The following RDX variants were observed in gnomAD, a reference collection of about 807,000 sequenced individuals.
RDX encodes radixin.
A neutral mutation model predicts 83.7 loss-of-function variants in RDX; 32 were observed. The observed-to-expected ratio is 0.38, with a 90% CI of 0.29 to 0.51. The LOEUF is 0.51. Ranked by LOEUF, RDX falls within the 20% of genes least tolerant of loss-of-function variation. RDX has a pLI of 0.87. For synonymous variants in RDX, 229 were observed against 222.7 expected, an observed-to-expected ratio of 1.03 and a Z score of -0.25; for missense variants, 600 against 689.9, an observed-to-expected ratio of 0.87 and a Z score of 1.46.
chr11:110,207,352 A>T, intron 14 of RDX, among the ~76,000 whole-genome samples: 1 of 152,178 alleles, frequency 6.6e-6, no homozygotes, highest in Non-Finnish European at 1.5e-5. Flanking sequence ...TCTGTGTTTT[A>T]ACAAGCCCTC....
At chr11:110,196,054 A>C (rs370273023) in intron 15 of RDX, 147 of 152,380 alleles carry the variant, frequency 9.6e-4, no homozygotes, top group Non-Finnish European at 1.2e-3. Context: ...TGGGTAATGG[A>C]ATACTGGTCC....
At chr11:110,237,763 GCAC>G (rs751173117) in intron 10 of RDX, 111 bp from the exon 11 acceptor site, 1 of 1,199,026 alleles carries the variant, frequency 8.3e-7, no homozygotes, top group Non-Finnish European at 1.2e-6. Flanking sequence ...CTAAAAGTTA[GCAC>G]ACATGTAAAT....
chr11:110,249,467 C>A (rs1480384463), intron 9 of RDX, among the ~76,000 whole-genome samples: 1 of 152,160 alleles, frequency 6.6e-6, no homozygotes, highest in Non-Finnish European at 1.5e-5. Flanking sequence ...TTGGGGCAAA[C>A]AGGTAGAGGT....
At chr11:110,280,621 G>A (rs1267425728) in intron 1 of RDX, among the ~76,000 whole-genome samples, 2 of 152,332 alleles carry the variant, frequency 1.3e-5, no homozygotes, top group South Asian at 2.1e-4. Flanking sequence ...CAATGTGTAT[G>A]AAACAGGCAA....
At chr11:110,277,529 A>G (rs769830390) in intron 2 of RDX, among the ~76,000 whole-genome samples, 9 of 152,174 alleles carry the variant, frequency 5.9e-5, no homozygotes, top group Non-Finnish European at 8.8e-5. Flanking sequence ...CATGTTGGCC[A>G]GGCTGGTCTC....
Position 110,251,808 on chromosome 11 carries a change from T to C in RDX, c.959+2138A>G, listed in dbSNP as rs146272146. Among the ~76,000 whole-genome samples the C allele has an allele frequency of 5.1e-3, 783 of 152,314 alleles. 7 individuals carry two copies. Among genetic ancestry groups the C allele is most frequent in the African/African-American group, 0.017 (727 of 41,566 alleles). ...CTCATAGTGTATAAGGTCATTTTCATTGCCAAAAAACCCCTAGGTTATAAA... is the reference window on the plus strand; with the variant it reads ...CTCATAGTGTATAAGGTCATTTTCACTGCCAAAAAACCCCTAGGTTATAAA... On this transcript the variant is annotated intron_variant, in intron 9 of 13. Coordinates refer to ENST00000645495, the MANE Select transcript of RDX (RefSeq NM_002906.4).
intron 10 of RDX, among the ~76,000 whole-genome samples, chr11:110,243,071 C>T (rs948909676): frequency 6.6e-6 from 1 of 152,140 alleles, no homozygotes; most frequent in African/African-American, 2.4e-5. Context: ...ATCCAAAAAT[C>T]TGAACTCCAA....
At chr11:110,269,976 A>G (rs1162699485) in intron 3 of RDX, among the ~76,000 whole-genome samples, 1 of 152,152 alleles carries the variant, frequency 6.6e-6, no homozygotes, top group Non-Finnish European at 1.5e-5. Context: ...TGGGAGGCAG[A>G]GGTTACAGTG....
intron 11 of RDX, 88 bp from the exon 12 acceptor site, chr11:110,236,279 CTGTTTA>C (rs1254984140): frequency 1.1e-6 from 1 of 951,866 alleles, no homozygotes; most frequent in Non-Finnish European, 1.6e-6. Flanking sequence ...CATGCTTAGG[CTGTTTA>C]TGTTTTTCTT....
At chr11:110,203,677 A>C (rs1863497573) in intron 14 of RDX, among the ~76,000 whole-genome samples, 2 of 152,174 alleles carry the variant, frequency 1.3e-5, no homozygotes, top group Middle Eastern at 3.4e-3. Context: ...ATTAAAAATA[A>C]ATTTTTTAAA....
At chr11:110,296,057 T>C (rs1333905091) in intron 1 of RDX, among the ~76,000 whole-genome samples, 1 of 152,220 alleles carries the variant, frequency 6.6e-6, no homozygotes, top group Non-Finnish European at 1.5e-5. Context: ...CAAACAACCC[T>C]TGGGACCATG....
chr11:110,212,834 T>C (rs868701791), intron 14 of RDX, among the ~76,000 whole-genome samples: 4 of 144,386 alleles, frequency 2.8e-5, no homozygotes, highest in Middle Eastern at 3.5e-3. Context: ...TGGGATGTAT[T>C]TCAAAATAAT....
rs1000851378 is a variant in RDX, at chr11:110,231,447, A to G, written c.*422T>C. 1.5e-4 allele frequency: 36 copies of G among 243,612 alleles called. No homozygotes were observed. The highest frequency in any genetic ancestry group is 7.7e-4 in the African/African-American group (34 of 44,258). 15.1% of individuals were successfully genotyped at this position (243,612 alleles called of 1,614,324 possible). A position where few individuals can be genotyped will look rare whatever the true frequency, so the allele number is the denominator to read the frequency against. On this transcript the variant is annotated 3_prime_UTR_variant, in exon 14 of 14. Coordinates refer to ENST00000645495, the MANE Select transcript of RDX (RefSeq NM_002906.4). The stretch of plus-strand genomic sequence containing the variant: ...AGATAAGAGAAGGGCACACTGAGAA[A>G]ATGTGAGTGAGAGAGAATGTGGAAA...
At chr11:110,184,136 G>A (rs1271230736) in intron 15 of RDX, among the ~76,000 whole-genome samples, 2 of 152,202 alleles carry the variant, frequency 1.3e-5, no homozygotes, top group African/African-American at 2.4e-5. Context: ...AAGGGCAGAG[G>A]GGATGATAGA....
intron 5 of RDX, 45 bp from the exon 6 acceptor site, chr11:110,258,234 T>C (rs1859630313): frequency 7.9e-7 from 1 of 1,270,918 alleles, no homozygotes; most frequent in South Asian, 1.3e-5. Context: ...ACTTTAAGAT[T>C]CAAAAGCATA....
chr11:110,263,039 C>A (rs548135804), intron 5 of RDX, among the ~76,000 whole-genome samples: 8 of 152,106 alleles, frequency 5.3e-5, no homozygotes, highest in Non-Finnish European at 1.0e-4. Context: ...CTTTGGGAGA[C>A]CGAGGTGGGA....
At chr11:110,209,566 C>G (rs1348319778) in intron 14 of RDX, among the ~76,000 whole-genome samples, 1 of 152,030 alleles carries the variant, frequency 6.6e-6, no homozygotes, top group Non-Finnish European at 1.5e-5. Flanking sequence ...CAGCAGTAAC[C>G]TCTGCAGACT....
Position 110,286,550 on chromosome 11 carries a change from A to G in RDX, c.-64-6794T>C, listed in dbSNP as rs946958608. Among the ~76,000 whole-genome samples the G allele has an allele frequency of 1.6e-4, 25 of 152,254 alleles. 1 individual carries two copies. The highest frequency in any genetic ancestry group is 4.4e-5 in the Non-Finnish European group (3 of 68,044). The stretch of plus-strand genomic sequence containing the variant: ...AGGTGTTATAAAGTCTAGTCCATGC[A>G]GTGCCTGCACTGAAGCATCAATAAT... On this transcript the variant is annotated intron_variant, in intron 1 of 13. Coordinates refer to ENST00000645495, the MANE Select transcript of RDX (RefSeq NM_002906.4).
At chr11:110,255,229 T>C (rs1859491315) in intron 8 of RDX, 60 bp downstream of exon 8, 1 of 883,188 alleles carries the variant, frequency 1.1e-6, no homozygotes, top group Non-Finnish European at 1.9e-6. Context: ...TCAAGTGATA[T>C]CATGGGAAAC....
Sources: gnomAD v4.1 joint callset for allele counts (sites outside exome capture counted in the v4.1 genomes callset) on GRCh38, gnomAD v4.1.1 for gene constraint, MANE v1.5 for transcripts, NCBI Gene and HGNC (gene_info 2026-07-23, HGNC 2026-07-21) for gene names.